Variants in PRKRIP1 observed in about 807,000 individuals in gnomAD.
PRKRIP1 encodes the protein PRKR-interacting protein 1.
A neutral mutation model predicts 29.3 loss-of-function variants in PRKRIP1; 29 were observed. That is an observed-to-expected ratio of 0.99 (90% CI 0.74 to 1.35). The LOEUF (loss-of-function observed/expected upper bound fraction) is 1.35, where lower values mean the gene tolerates loss of function less well. PRKRIP1 is among the 40% of genes most tolerant of loss of function. PRKRIP1 has a pLI of 0.00. For synonymous variants in PRKRIP1, 90 were observed against 85.1 expected, an observed-to-expected ratio of 1.06 and a Z score of -0.32; for missense variants, 247 against 236.8, an observed-to-expected ratio of 1.04 and a Z score of -0.28.
chr7:102,414,361 A>C (rs1796475695), intron 5 of PRKRIP1, among the ~76,000 whole-genome samples: 2 of 152,194 alleles, frequency 1.3e-5, no homozygotes, highest in Non-Finnish European at 2.9e-5. Context: ...GTGTAGCTAC[A>C]ATTATAGGAA....
At chr7:102,412,779 G>A (rs1454953804) in intron 5 of PRKRIP1, among the ~76,000 whole-genome samples, 1 of 152,214 alleles carries the variant, frequency 6.6e-6, no homozygotes, top group African/African-American at 2.4e-5. Flanking sequence ...AAAAGCAGGA[G>A]GGGCAGCTGG....
In PRKRIP1 at chr7:102,426,532, C is replaced by T. The variant is rs1796835258; in HGVS notation, c.*1421C>T. 1 of 148,242 alleles carries T rather than the reference C, an allele frequency of 6.7e-6. No individual in the cohort carries two copies. 9.2% of individuals were successfully genotyped at this position (148,242 alleles called of 1,614,324 possible). On this transcript the variant is annotated 3_prime_UTR_variant, in exon 6 of 6. Transcript: ENST00000397912. ...CTTTTACTTCTGTAGTGTAGATTGC[C>T]CCGGCCCCTCTCTGAGCCCTGTAGC...
intron 5 of PRKRIP1, among the ~76,000 whole-genome samples, chr7:102,417,220 A>T (rs767441729): frequency 6.6e-6 from 1 of 151,842 alleles, no homozygotes; most frequent in Non-Finnish European, 1.5e-5. Context: ...ATCACTGTTG[A>T]TGTTTACCTT....
At chr7:102,416,356 G>A (rs1432135517) in intron 5 of PRKRIP1, among the ~76,000 whole-genome samples, 2 of 152,204 alleles carry the variant, frequency 1.3e-5, no homozygotes, top group Non-Finnish European at 2.9e-5. Context: ...AACCCACATC[G>A]ATACACTTGT....
intron 5 of PRKRIP1, among the ~76,000 whole-genome samples, chr7:102,414,739 G>A (rs1221984685): frequency 6.6e-6 from 1 of 152,092 alleles, no homozygotes; most frequent in South Asian, 2.1e-4. Context: ...AAAAAAATTA[G>A]CCATGTGTGG....
At chr7:102,421,839 A>G (rs1563624810) in intron 5 of PRKRIP1, among the ~76,000 whole-genome samples, 1 of 151,724 alleles carries the variant, frequency 6.6e-6, no homozygotes, top group African/African-American at 2.4e-5. Context: ...ATCCAAACAC[A>G]GCATAGTAGG....
rs1554574256 is a variant in PRKRIP1, at chr7:102,425,051, T to C, written c.495T>C (p.Ser165=). ...GQPKEQGSSS[S]AEASGTEEEE... ...CCAAGGAGCAGGGGTCCAGCAGCTC[T>C]GCGGAGGCATCTGGAACAGAGGAGG... Residue 165 remains serine, a synonymous_variant, in exon 6 of 6, where the codon TCT becomes TCC. Coordinates refer to ENST00000397912, the MANE Select transcript of PRKRIP1 (RefSeq NM_024653.4). The C allele has an allele frequency of 1.2e-6, 2 of 1,613,830 alleles. No homozygotes were observed. The highest frequency in any genetic ancestry group is 1.1e-5 in the South Asian group (1 of 91,080).
intron 4 of PRKRIP1, among the ~76,000 whole-genome samples, chr7:102,406,794 A>G (rs1201084521): frequency 2.0e-5 from 3 of 152,156 alleles, no homozygotes; most frequent in African/African-American, 7.2e-5. Flanking sequence ...GAATTTGAAT[A>G]AGAAAATCAC....
rs782654900 is a variant in PRKRIP1, at chr7:102,397,649, G to A, written c.156G>A (p.Met52Ile). ...PDKAVPIPEK[M>I]SEWAPRPPPE... is the part of the protein sequence containing the mutation. Reference sequence around the variant, plus strand: ...AAGCAGTTCCAATTCCAGAGAAAATGAGTGAATGGGCACCTCGACCTCCCC... The same window carrying A: ...AAGCAGTTCCAATTCCAGAGAAAATAAGTGAATGGGCACCTCGACCTCCCC... The change falls in exon 2 of 6, where the codon ATG becomes ATA. Residue 52 changes from methionine to isoleucine, a missense_variant. Physicochemically the swap from Met to Ile is conservative, Grantham distance 10. Coordinates refer to ENST00000397912, the MANE Select transcript of PRKRIP1 (RefSeq NM_024653.4). 5 of 1,613,844 alleles carry A rather than the reference G, an allele frequency of 3.1e-6. No homozygotes were observed. In the East Asian group the frequency reaches 1.1e-4, roughly 36 times the overall value.
At chr7:102,422,910 A>C in intron 5 of PRKRIP1, 1 of 184,642 alleles carries the variant, frequency 5.4e-6, no homozygotes, top group African/African-American at 3.9e-5. Context: ...AGATATTCCA[A>C]AGTCTGGAAA....
chr7:102,416,009 T>C (rs1796526391), intron 5 of PRKRIP1, among the ~76,000 whole-genome samples: 1 of 152,256 alleles, frequency 6.6e-6, no homozygotes. Context: ...CTCATCTGAC[T>C]GGAGAAGCTC....
chr7:102,413,595 G>A (rs1554572751), intron 5 of PRKRIP1, among the ~76,000 whole-genome samples: 1 of 152,156 alleles, frequency 6.6e-6, no homozygotes, highest in Non-Finnish European at 1.5e-5. Context: ...GACCCTGTCT[G>A]TATTTTGTAA....
intron 5 of PRKRIP1, among the ~76,000 whole-genome samples, chr7:102,419,269 C>T (rs1214320645): frequency 2.6e-5 from 4 of 151,990 alleles, no homozygotes; most frequent in Non-Finnish European, 4.4e-5. Context: ...CAGAAATTAG[C>T]CAGGCACTGT....
chr7:102,403,557 C>T (rs1362138959), intron 3 of PRKRIP1, among the ~76,000 whole-genome samples: 17 of 152,126 alleles, frequency 1.1e-4, no homozygotes, highest in African/African-American at 4.1e-4. Flanking sequence ...TGTGCAGTGG[C>T]GCAATTTCCG....
At chr7:102,398,434 G>A (rs1411510958) in intron 2 of PRKRIP1, among the ~76,000 whole-genome samples, 3 of 151,952 alleles carry the variant, frequency 2.0e-5, no homozygotes, top group African/African-American at 7.3e-5. Flanking sequence ...ACAGGCCCGT[G>A]CCACCATGCC....
chr7:102,396,868 T>C (rs1227622733), intron 1 of PRKRIP1, among the ~76,000 whole-genome samples: 1 of 152,144 alleles, frequency 6.6e-6, no homozygotes, highest in African/African-American at 2.4e-5. Context: ...GGGTATACTC[T>C]AAACAACACT....
At chr7:102,418,343 C>G (rs1796608363) in intron 5 of PRKRIP1, among the ~76,000 whole-genome samples, 1 of 152,124 alleles carries the variant, frequency 6.6e-6, no homozygotes, top group African/African-American at 2.4e-5. Flanking sequence ...AGCCACCATG[C>G]CTGGTCCCTG....
At chr7:102,402,462 T>C (rs1434782941) in intron 3 of PRKRIP1, among the ~76,000 whole-genome samples, 1 of 145,630 alleles carries the variant, frequency 6.9e-6, no homozygotes, top group African/African-American at 2.6e-5. Context: ...GGGTGGGGGG[T>C]GGAGTGAGGG....
intron 4 of PRKRIP1, chr7:102,405,597 CAAT>C (rs1796192786): frequency 6.5e-6 from 1 of 153,552 alleles, no homozygotes; most frequent in South Asian, 2.0e-4. Context: ...CCTGTCTCTA[CAAT>C]AATAATAAAA....
Sources: gnomAD v4.1 joint callset for allele counts (sites outside exome capture counted in the v4.1 genomes callset) on GRCh38, gnomAD v4.1.1 for gene constraint, MANE v1.5 for transcripts, NCBI Gene and HGNC (gene_info 2026-07-23, HGNC 2026-07-21) for gene names.